The following PPP4R3A variants were observed in gnomAD, a reference collection of about 807,000 sequenced individuals.
PPP4R3A encodes the protein serine/threonine-protein phosphatase 4 regulatory subunit 3A.
PPP4R3A carries 15 observed loss-of-function variants against 91.7 expected under a neutral mutation model. That is an observed-to-expected ratio of 0.16 (90% confidence interval 0.11 to 0.25). The LOEUF (loss-of-function observed/expected upper bound fraction) is 0.25. PPP4R3A is among the 10% of genes least tolerant of loss of function. The pLI is 1.00. For synonymous variants in PPP4R3A, 377 were observed against 348.7 expected (o/e 1.08, Z -0.91); for missense variants, 623 against 998.4 (o/e 0.62, Z 5.07).
At chr14:91,467,486 A>G (rs1163591826) in intron 10 of PPP4R3A, among the ~76,000 whole-genome samples, 2 of 152,224 alleles carry the variant, frequency 1.3e-5, no homozygotes, top group Non-Finnish European at 1.5e-5. Flanking sequence ...CGTGAATTTC[A>G]TGTAATAAAT....
chr14:91,504,572 G>A (rs1270486678), intron 1 of PPP4R3A, among the ~76,000 whole-genome samples: 2 of 150,994 alleles, frequency 1.3e-5, no homozygotes, highest in African/African-American at 2.4e-5. Context: ...ATTGCACTCC[G>A]GCCTAAGTGA....
At chr14:91,490,898 TAA>T (rs1890197028) in intron 1 of PPP4R3A, 96 bp from the exon 2 acceptor site, 1 of 452,666 alleles carries the variant, frequency 2.2e-6, no homozygotes, top group South Asian at 6.2e-5. Flanking sequence ...AAAATAATAA[TAA>T]TTTTTTTTTT....
At chr14:91,495,302 A>ATGTGTGTGTGTGTGTGTC (rs1555437568) in intron 1 of PPP4R3A, among the ~76,000 whole-genome samples, 31 of 140,960 alleles carry the variant, frequency 2.2e-4, no homozygotes, top group African/African-American at 7.9e-4. Flanking sequence ...CAGATACATA[A>ATGTGTGTGTGTGTGTGTC]TGTGTGTGTG....
intron 10 of PPP4R3A, among the ~76,000 whole-genome samples, chr14:91,468,692 A>G (rs1442428890): frequency 3.6e-5 from 4 of 111,160 alleles, no homozygotes; most frequent in African/African-American, 1.4e-4. Flanking sequence ...AAAAAAAAGG[A>G]AAAAAGAAAA....
At chr14:91,507,852 G>C (rs2140179402) in intron 1 of PPP4R3A, among the ~76,000 whole-genome samples, 1 of 151,802 alleles carries the variant, frequency 6.6e-6, no homozygotes, top group East Asian at 1.9e-4. Flanking sequence ...AGCTGGGATG[G>C]GGGTCATGCC....
chr14:91,481,526 T>G (rs1298818685), intron 4 of PPP4R3A, 50 bp downstream of exon 4: 1 of 1,490,180 alleles, frequency 6.7e-7, no homozygotes, highest in Non-Finnish European at 8.9e-7. Flanking sequence ...AGGAGCAAAT[T>G]GTTTTCGCTG....
chr14:91,510,006 A>G lies in PPP4R3A; in HGVS notation c.-359T>C, dbSNP rs1595100601. On this transcript the variant is annotated 5_prime_UTR_variant, in exon 1 of 15. Coordinates refer to ENST00000554943, the MANE Select transcript of PPP4R3A (RefSeq NM_001366432.2). ...CCCGCCTCCGCCATGATCTCCGCGA[A>G]GCAGCTTCCCGCGCCGCCGCCGCCT... is the stretch of plus-strand genomic sequence containing the variant. 1.0e-6 allele frequency: 1 copy of G among 963,604 alleles called. No homozygotes were observed. The highest frequency in any genetic ancestry group is 1.2e-6 in the Non-Finnish European group (1 of 806,476). 59.7% of individuals were successfully genotyped at this position (963,604 alleles called of 1,614,324 possible). A position where few individuals can be genotyped will look rare whatever the true frequency, so the allele number is the denominator to read the frequency against.
At chr14:91,505,443 C>T (rs1595093660) in intron 1 of PPP4R3A, among the ~76,000 whole-genome samples, 1 of 146,582 alleles carries the variant, frequency 6.8e-6, no homozygotes, top group Non-Finnish European at 1.5e-5. Flanking sequence ...GAGATTCTGC[C>T]TAAAAAAAAA....
At chr14:91,462,628 G>T in intron 12 of PPP4R3A, 107 bp downstream of exon 12, 2 of 1,235,374 alleles carry the variant, frequency 1.6e-6, no homozygotes, top group Non-Finnish European at 2.3e-6. Flanking sequence ...TTTGCTATCT[G>T]CTGATTTCCC....
intron 2 of PPP4R3A, among the ~76,000 whole-genome samples, chr14:91,488,706 T>G (rs1440190071): frequency 6.6e-6 from 1 of 152,128 alleles, no homozygotes; most frequent in Non-Finnish European, 1.5e-5. Context: ...TAAAGTTATG[T>G]TATTTTCCCT....
intron 1 of PPP4R3A, 138 bp downstream of exon 1, chr14:91,509,368 C>T: frequency 8.1e-7 from 1 of 1,237,540 alleles, no homozygotes; most frequent in Non-Finnish European, 1.1e-6. Context: ...TACCTGGGGC[C>T]CGTCCTCCCC....
chr14:91,497,740 ATTC>A (rs991843820), intron 1 of PPP4R3A, among the ~76,000 whole-genome samples: 14 of 152,280 alleles, frequency 9.2e-5, no homozygotes, highest in African/African-American at 3.1e-4. Flanking sequence ...TGGGCCAACT[ATTC>A]TTCTAGGAAA....
intron 2 of PPP4R3A, 79 bp from the exon 3 acceptor site, chr14:91,485,809 CTG>C (rs1292712309): frequency 8.3e-6 from 8 of 967,000 alleles, no homozygotes; most frequent in African/African-American, 6.6e-5. Context: ...GGAAATAAAA[CTG>C]TGCTCATTTT....
chr14:91,500,769 C>T (rs1890898356), intron 1 of PPP4R3A, among the ~76,000 whole-genome samples: 1 of 152,112 alleles, frequency 6.6e-6, no homozygotes, highest in African/African-American at 2.4e-5. Flanking sequence ...TTACTGTAAT[C>T]CCAGCACTTT....
chr14:91,460,312 T>A (rs1411188633), intron 14 of PPP4R3A, among the ~76,000 whole-genome samples: 2 of 152,064 alleles, frequency 1.3e-5, no homozygotes, highest in African/African-American at 4.8e-5. Flanking sequence ...CGCGCCTGGC[T>A]GCTGCTTGCT....
intron 1 of PPP4R3A, among the ~76,000 whole-genome samples, chr14:91,499,029 C>A (rs1054054569): frequency 6.6e-6 from 1 of 151,746 alleles, no homozygotes; most frequent in African/African-American, 2.4e-5. Context: ...TCATGATCTG[C>A]CCCCGCCCTG....
At position 91,476,759 on chromosome 14, in the gene PPP4R3A, G is replaced by T. The variant is rs555362094; in HGVS notation, c.993+150C>A. 45 of 694,958 alleles carry T rather than the reference G, an allele frequency of 6.5e-5. No homozygotes were observed. The African/African-American group carries it at 7.4e-4, about 11-fold the overall frequency. 43.0% of individuals were successfully genotyped at this position (694,958 alleles called of 1,614,324 possible). ...TTTTGTACTTTTTAGTAGAGATGGG[G>T]TTTCGCCATGTTCGCCAGGCTGGTC... is the stretch of plus-strand genomic sequence containing the variant. On this transcript the variant is annotated intron_variant, in intron 5 of 14. Coordinates refer to ENST00000554943, the MANE Select transcript of PPP4R3A (RefSeq NM_001366432.2).
intron 14 of PPP4R3A, among the ~76,000 whole-genome samples, chr14:91,460,020 T>C (rs1191869428): frequency 6.6e-6 from 1 of 152,032 alleles, no homozygotes; most frequent in African/African-American, 2.4e-5. Flanking sequence ...GCTTGCTTTA[T>C]TTATTTTTTG....
intron 1 of PPP4R3A, among the ~76,000 whole-genome samples, chr14:91,494,888 A>G (rs572516577): frequency 1.3e-5 from 2 of 152,238 alleles, no homozygotes; most frequent in Admixed American, 6.5e-5. Flanking sequence ...CAAAACCACA[A>G]ATGAGATACC....
Sources: allele counts gnomAD v4.1 joint callset (sites outside exome capture counted in the v4.1 genomes callset), GRCh38; gene constraint gnomAD v4.1.1; transcripts MANE v1.5; gene names NCBI Gene and HGNC (gene_info 2026-07-23, HGNC 2026-07-21).